OTUB2: variants seen among roughly 807,000 people sequenced by gnomAD.
OTUB2 encodes OTU deubiquitinase, ubiquitin aldehyde binding 2.
A neutral mutation model predicts 25.1 loss-of-function variants in OTUB2; 21 were observed. The ratio of observed to expected loss-of-function variants is 0.84; its 90% CI spans 0.59 to 1.21. The LOEUF is 1.21. Ranked by LOEUF, OTUB2 falls within the 50% of genes most tolerant of loss-of-function variation. The probability of loss-of-function intolerance (pLI) is 0.00; values close to 1 mark genes in which losing one functional copy is unlikely to be tolerated. For synonymous variants in OTUB2, 122 were observed against 122.8 expected, an observed-to-expected ratio of 0.99 and a Z score of 0.04; for missense variants, 283 against 298.0, an observed-to-expected ratio of 0.95 and a Z score of 0.37.
intron 1 of OTUB2, among the ~76,000 whole-genome samples, chr14:94,035,678 C>T (rs1383021801): frequency 1.3e-5 from 2 of 152,126 alleles, no homozygotes; most frequent in Non-Finnish European, 2.9e-5. Context: ...GGGGGGAGAT[C>T]ATGTTTGGTG....
In OTUB2 at chr14:94,038,951, TG is replaced by T; in HGVS notation, c.100-11del. The T allele has an allele frequency of 6.2e-7, 1 of 1,612,956 alleles. No homozygotes were observed. Among genetic ancestry groups the T allele is most frequent in the South Asian group, 1.1e-5 (1 of 91,074 alleles). ...TGGTGCAAATGCCCACATTTCTTTC[TG>T]TCCCCCTCAGGAACTCAGCAAAAGG... is the stretch of plus-strand genomic sequence containing the variant. On this transcript the variant is annotated splice_polypyrimidine_tract_variant and intron_variant, in intron 2 of 5. Coordinates refer to ENST00000203664, the MANE Select transcript of OTUB2 (RefSeq NM_023112.4).
In OTUB2 at chr14:94,037,460, C is replaced by T. The variant is rs1885077307; in HGVS notation, c.84C>T (p.Tyr28=). Residue 28 remains tyrosine, a synonymous_variant, in exon 2 of 6, where the codon TAC becomes TAT. Transcript: ENST00000203664. ...GGGACCATCCTGAAAACAGGATTTA[C>T]CGGAGGAAAATCGAGGTGAGGCAGA... ...ILRDHPENRI[Y]RRKIEELSKR... is the part of the protein sequence containing the mutation. 1 of 1,600,196 alleles carries T rather than the reference C, an allele frequency of 6.2e-7. No homozygotes were observed. Among genetic ancestry groups the T allele is most frequent in the Admixed American group, 1.7e-5 (1 of 59,796 alleles).
At chr14:94,029,492 C>G (rs1380223484) in intron 1 of OTUB2, among the ~76,000 whole-genome samples, 1 of 152,170 alleles carries the variant, frequency 6.6e-6, no homozygotes, top group African/African-American at 2.4e-5. Flanking sequence ...TTGATCTTCA[C>G]GTGGTGTTCT....
chr14:94,027,167 C>T (rs943918447), intron 1 of OTUB2, among the ~76,000 whole-genome samples: 3 of 152,214 alleles, frequency 2.0e-5, no homozygotes, highest in Admixed American at 6.5e-5. Context: ...CTGCGCAGAA[C>T]GAGGCCCAGA....
rs765143000 is a variant in OTUB2, at chr14:94,039,023, A to G, written c.160A>G (p.Arg54Gly). 6.2e-7 allele frequency: 1 copy of G among 1,614,228 alleles called. No homozygotes were observed. Among genetic ancestry groups the G allele is most frequent in the African/African-American group, 1.3e-5 (1 of 75,066 alleles). ...KTKGDGNCFY[R>G]ALGYSYLESL... Reference sequence around the variant, plus strand: ...CAAAGGGGATGGGAACTGCTTCTACAGGGCCTTGGGCTATTCCTACCTGGA... The same window carrying G: ...CAAAGGGGATGGGAACTGCTTCTACGGGGCCTTGGGCTATTCCTACCTGGA... Residue 54 changes from arginine to glycine, a missense_variant, in exon 3 of 6, where the codon AGG (arginine) becomes GGG (glycine). Coordinates refer to ENST00000203664, the MANE Select transcript of OTUB2 (RefSeq NM_023112.4).
At chr14:94,031,320 C>T (rs544026591) in intron 1 of OTUB2, among the ~76,000 whole-genome samples, 1 of 152,166 alleles carries the variant, frequency 6.6e-6, no homozygotes, top group African/African-American at 2.4e-5. Context: ...GAGTACACAT[C>T]TGAAGGGATA....
At chr14:94,036,210 G>A (rs1885051953) in intron 1 of OTUB2, among the ~76,000 whole-genome samples, 1 of 152,106 alleles carries the variant, frequency 6.6e-6, no homozygotes, top group African/African-American at 2.4e-5. Flanking sequence ...AGGCTACCAG[G>A]GAAGGCCACT....
At chr14:94,034,001 AAAAAACAC>A (rs1191490284) in intron 1 of OTUB2, among the ~76,000 whole-genome samples, 4 of 152,234 alleles carry the variant, frequency 2.6e-5, no homozygotes, top group African/African-American at 9.6e-5. Flanking sequence ...AAGTTAAAAG[AAAAAACAC>A]AAATGAAAAT....
intron 1 of OTUB2, among the ~76,000 whole-genome samples, chr14:94,034,890 C>T (rs569116770): frequency 3.9e-5 from 6 of 152,348 alleles, no homozygotes; most frequent in Admixed American, 3.3e-4. Context: ...AGCTACCTGG[C>T]TGCCCATAGC....
Position 94,037,409 on chromosome 14 carries a change from A to C in OTUB2, c.33A>C (p.Glu11Asp), listed in dbSNP as rs543226031. ...AAACATCTTTCAACCTAATATCAGA[A>C]AAATGTGACATTCTATCCATTCTTC... MSETSFNLIS[E>D]KCDILSILRD... is the part of the protein sequence containing the mutation. Residue 11 changes from glutamate to aspartate, a missense_variant, in exon 2 of 6, where the codon GAA (glutamate) becomes GAC (aspartate). Transcript: ENST00000203664. 6.2e-7 allele frequency: 1 copy of C among 1,601,578 alleles called. No homozygotes were observed. The highest frequency in any genetic ancestry group is 2.2e-5 in the East Asian group (1 of 44,778).
chr14:94,036,427 C>T (rs943599526), intron 1 of OTUB2, among the ~76,000 whole-genome samples: 1 of 152,148 alleles, frequency 6.6e-6, no homozygotes, highest in African/African-American at 2.4e-5. Context: ...GTGGCTTTAA[C>T]ACCATGTCTC....
chr14:94,041,845 C>T (rs1885167277), intron 3 of OTUB2, among the ~76,000 whole-genome samples: 1 of 152,246 alleles, frequency 6.6e-6, no homozygotes, highest in African/African-American at 2.4e-5. Flanking sequence ...TCACTCACTC[C>T]TCTGTAGCTC....
chr14:94,036,361 T>A (rs936209464), intron 1 of OTUB2, among the ~76,000 whole-genome samples: 1 of 152,162 alleles, frequency 6.6e-6, no homozygotes, highest in South Asian at 2.1e-4. Context: ...ATAAAAATGG[T>A]CTCCCTGGGT....
At position 94,043,040 on chromosome 14, in the gene OTUB2, G is replaced by A. The variant is rs183905815; in HGVS notation, c.219-931G>A. ...ATGCCAGGACCAGGCAGGGGCAAGC[G>A]GCATCTAGGCAAATACTCCTCCTTC... is the stretch of plus-strand genomic sequence containing the variant. On this transcript the variant is annotated intron_variant, in intron 3 of 5. Transcript: ENST00000203664. 4.6e-5 allele frequency among the ~76,000 whole-genome samples: 7 copies of A among 152,276 alleles called. No individual in the cohort carries two copies. In the East Asian group the frequency reaches 7.7e-4, roughly 17 times the overall value.
rs1885292822 is a variant in OTUB2, at chr14:94,047,093, A to T, written c.*1171A>T. 6.6e-6 allele frequency: 1 copy of T among 152,168 alleles called. No homozygotes were observed. The highest frequency in any genetic ancestry group is 2.4e-5 in the African/African-American group (1 of 41,436). 9.4% of individuals were successfully genotyped at this position (152,168 alleles called of 1,614,324 possible). On this transcript the variant is annotated 3_prime_UTR_variant, in exon 6 of 6. Coordinates refer to ENST00000203664, the MANE Select transcript of OTUB2 (RefSeq NM_023112.4). ...GGCCGGCAAGATGGCACCAGTGGGG[A>T]CCCACACCCTGGCTGGGCAGAGGTG... is the stretch of plus-strand genomic sequence containing the variant.
At chr14:94,028,430 A>C (rs1040553946) in intron 1 of OTUB2, among the ~76,000 whole-genome samples, 3 of 152,224 alleles carry the variant, frequency 2.0e-5, no homozygotes, top group African/African-American at 7.2e-5. Flanking sequence ...GCTAAGCTTG[A>C]GGAAGGGCGC....
intron 3 of OTUB2, among the ~76,000 whole-genome samples, chr14:94,041,480 TAA>T (rs1885161196): frequency 6.6e-6 from 1 of 152,300 alleles, no homozygotes; most frequent in East Asian, 1.9e-4. Context: ...TATTTTTTCT[TAA>T]GAGATGGGTC....
intron 1 of OTUB2, among the ~76,000 whole-genome samples, chr14:94,033,225 C>T (rs1308805438): frequency 2.6e-5 from 4 of 151,966 alleles, no homozygotes; most frequent in Non-Finnish European, 5.9e-5. Context: ...TAATATTTTT[C>T]CTTAACTTGG....
intron 2 of OTUB2, 83 bp downstream of exon 2, chr14:94,037,558 C>T (rs931749888): frequency 2.0e-5 from 18 of 900,782 alleles, no homozygotes; most frequent in African/African-American, 1.4e-4. Flanking sequence ...CTTTGAAGGC[C>T]GATAGTTTGG....
Sources: allele counts gnomAD v4.1 joint callset (sites outside exome capture counted in the v4.1 genomes callset), GRCh38; gene constraint gnomAD v4.1.1; transcripts MANE v1.5; gene names NCBI Gene and HGNC (gene_info 2026-07-23, HGNC 2026-07-21).